CAMTA1: variants seen among roughly 807,000 people sequenced by gnomAD.
The protein encoded by CAMTA1 is calmodulin binding transcription activator 1.
In CAMTA1, 27 loss-of-function variants were observed where a neutral mutation model predicts 170.9. That is an observed-to-expected ratio of 0.16 (90% confidence interval 0.12 to 0.22). CAMTA1 has a LOEUF of 0.22. Among genes scored for constraint, CAMTA1 ranks in the 10% least tolerant of loss-of-function variants. The probability of loss-of-function intolerance (pLI) is 1.00; values close to 1 mark genes in which losing one functional copy is unlikely to be tolerated. For synonymous variants in CAMTA1, 833 were observed against 891.5 expected (o/e 0.93, Z 1.17); for missense variants, 1,619 against 2,217.2 (o/e 0.73, Z 5.42).
chr1:7,094,008 C>T (rs1356064957), intron 4 of CAMTA1, among the ~76,000 whole-genome samples: 1 of 152,200 alleles, frequency 6.6e-6, no homozygotes, highest in African/African-American at 2.4e-5. Context: ...GTCACTGTGC[C>T]TCTTATCTGT....
At chr1:7,701,289 G>A (rs1176097472) in intron 11 of CAMTA1, among the ~76,000 whole-genome samples, 1 of 152,190 alleles carries the variant, frequency 6.6e-6, no homozygotes, top group Non-Finnish European at 1.5e-5. Flanking sequence ...CACAACAGCA[G>A]GCAGATAACA....
chr1:7,536,731 C>T (rs916846501), intron 6 of CAMTA1, among the ~76,000 whole-genome samples: 6 of 152,152 alleles, frequency 3.9e-5, no homozygotes, highest in Middle Eastern at 3.2e-3. Flanking sequence ...GCAGGCGCGA[C>T]GCTCATTTAA....
chr1:7,166,573 C>T (rs1047314271), intron 4 of CAMTA1, among the ~76,000 whole-genome samples: 1 of 152,168 alleles, frequency 6.6e-6, no homozygotes, highest in Non-Finnish European at 1.5e-5. Context: ...GGCTGAGCTT[C>T]TTCTCATAGA....
intron 11 of CAMTA1, among the ~76,000 whole-genome samples, chr1:7,710,597 T>A (rs1252656831): frequency 2.6e-4 from 12 of 46,998 alleles, no homozygotes; most frequent in Non-Finnish European, 4.5e-4. Flanking sequence ...CGAGACCCTG[T>A]CTCAAAAAAA....
chr1:7,192,024 G>A (rs1441914227), intron 4 of CAMTA1, among the ~76,000 whole-genome samples: 1 of 148,694 alleles, frequency 6.7e-6, no homozygotes, highest in Admixed American at 6.6e-5. Flanking sequence ...TTAGCTTGTT[G>A]GGGGCTGGGA....
intron 11 of CAMTA1, among the ~76,000 whole-genome samples, chr1:7,711,160 C>A (rs1311596354): frequency 6.6e-6 from 1 of 152,144 alleles, no homozygotes; most frequent in Non-Finnish European, 1.5e-5. Context: ...TTGCAGACTG[C>A]CAACTTCTTG....
intron 4 of CAMTA1, among the ~76,000 whole-genome samples, chr1:7,124,843 T>C (rs1644842975): frequency 6.6e-6 from 1 of 152,192 alleles, no homozygotes; most frequent in Non-Finnish European, 1.5e-5. Flanking sequence ...TGGTGAACTC[T>C]TAAAGAACAA....
In CAMTA1 at chr1:6,823,927, G is replaced by A. The variant is rs1198383901; in HGVS notation, c.116-1165G>A. On this transcript the variant is annotated intron_variant, in intron 2 of 22. Coordinates refer to ENST00000303635, the MANE Select transcript of CAMTA1 (RefSeq NM_015215.4). ...AATTTTATAGGGATTTGTGTCTGGA[G>A]AAGAATTAGAGATAATCTAATCTTG... Among the ~76,000 whole-genome samples, 5 of 152,258 alleles carry A rather than the reference G, an allele frequency of 3.3e-5. No individual in the cohort carries two copies. In the East Asian group the frequency reaches 9.6e-4, roughly 29 times the overall value.
At position 7,014,809 on chromosome 1, in the gene CAMTA1, G is replaced by A. The variant is rs1246696831; in HGVS notation, c.235-76495G>A. On this transcript the variant is annotated intron_variant, in intron 3 of 22. Coordinates refer to ENST00000303635, the MANE Select transcript of CAMTA1 (RefSeq NM_015215.4). This position sits in a 1 kb window ranked among gnomAD's most constrained non-coding sequence, Gnocchi z 4.2. ...TCTGTGGACCCTCTCAGACCCTGCA[G>A]CATGTCGGGGGCCGGGTGGGGGAGC... is the stretch of plus-strand genomic sequence containing the variant. 6.6e-6 allele frequency among the ~76,000 whole-genome samples: 1 copy of A among 152,154 alleles called. No homozygotes were observed. The highest frequency in any genetic ancestry group is 1.5e-5 in the Non-Finnish European group (1 of 68,028).
At chr1:7,749,323 C>T (rs72632043) in intron 19 of CAMTA1, among the ~76,000 whole-genome samples, 24,032 of 151,978 alleles carry the variant, frequency 0.16, 2,332 homozygotes, top group South Asian at 0.34. Flanking sequence ...GGTGGGGGGA[C>T]GTCTTTGGCT....
chr1:7,011,151 C>T (rs533256999), intron 3 of CAMTA1, among the ~76,000 whole-genome samples: 13 of 152,198 alleles, frequency 8.5e-5, no homozygotes, highest in African/African-American at 2.7e-4. Context: ...GGCTGGTCTT[C>T]GCATTGGGTT....
At chr1:7,527,078 G>A (rs1383405013) in intron 6 of CAMTA1, among the ~76,000 whole-genome samples, 1 of 152,132 alleles carries the variant, frequency 6.6e-6, no homozygotes, top group African/African-American at 2.4e-5. Flanking sequence ...CCTCTCCCCT[G>A]TGAGGATTGG....
intron 6 of CAMTA1, among the ~76,000 whole-genome samples, chr1:7,630,279 G>A (rs2095660587): frequency 6.6e-6 from 1 of 152,138 alleles, no homozygotes; most frequent in Admixed American, 6.5e-5. Context: ...GTCCCCTCTT[G>A]AGGTACATGC....
chr1:7,729,962 G>C (rs1038518304), intron 11 of CAMTA1, among the ~76,000 whole-genome samples: 1 of 152,226 alleles, frequency 6.6e-6, no homozygotes, highest in African/African-American at 2.4e-5. Context: ...TGATTCAGAT[G>C]ACTGTATTTT....
At chr1:7,223,399 TGA>T (rs1268539283) in intron 4 of CAMTA1, among the ~76,000 whole-genome samples, 2 of 151,954 alleles carry the variant, frequency 1.3e-5, no homozygotes, top group Non-Finnish European at 2.9e-5. Flanking sequence ...TATGTGTGTG[TGA>T]GTGTGTGATG....
At chr1:7,465,885 G>T (rs575073425) in intron 5 of CAMTA1, among the ~76,000 whole-genome samples, 1 of 152,340 alleles carries the variant, frequency 6.6e-6, no homozygotes, top group East Asian at 1.9e-4. Context: ...AAGTCCAAGA[G>T]AAAGTAGTGG....
At chr1:7,461,899 AT>A (rs779606226) in intron 5 of CAMTA1, among the ~76,000 whole-genome samples, 8 of 152,250 alleles carry the variant, frequency 5.3e-5, no homozygotes, top group Non-Finnish European at 1.0e-4. Flanking sequence ...TTGTGTCTGT[AT>A]CATATGCAGT....
intron 12 of CAMTA1, among the ~76,000 whole-genome samples, chr1:7,735,742 T>C (rs1229953511): frequency 3.3e-5 from 5 of 152,102 alleles, no homozygotes; most frequent in African/African-American, 1.2e-4. Flanking sequence ...CTCAATTTCA[T>C]GGATGGTTCT....
At chr1:7,045,318 T>C (rs1357794927) in intron 3 of CAMTA1, among the ~76,000 whole-genome samples, 2 of 152,204 alleles carry the variant, frequency 1.3e-5, no homozygotes, top group Non-Finnish European at 2.9e-5. Context: ...TGGAAGGGCA[T>C]TGCTGTTGCT....
Sources: gnomAD v4.1 joint callset for allele counts (sites outside exome capture counted in the v4.1 genomes callset) on GRCh38, gnomAD v4.1.1 for gene constraint, Gnocchi (gnomAD v3.1) non-coding constraint, MANE v1.5 for transcripts, NCBI Gene and HGNC (gene_info 2026-07-23, HGNC 2026-07-21) for gene names.